Variants in VWA3B observed in about 807,000 individuals in gnomAD.
VWA3B encodes von Willebrand factor A domain-containing protein 3B.
VWA3B carries 138 observed loss-of-function variants against 158.3 expected under a neutral mutation model. That is an observed-to-expected ratio of 0.87 (90% CI 0.76 to 1.00). VWA3B has a LOEUF of 1.00. Ranked by LOEUF, VWA3B falls within the 50% of genes least tolerant of loss-of-function variation. VWA3B has a pLI of 0.00. For missense variants in VWA3B, 1,555 were observed against 1,565.1 expected, an observed-to-expected ratio of 0.99 and a Z score of 0.11; for synonymous variants, 596 against 587.3, an observed-to-expected ratio of 1.01 and a Z score of -0.21.
chr2:98,192,870 A>G, intron 10 of VWA3B, 28 bp from the exon 11 acceptor site: 3 of 1,614,106 alleles, frequency 1.9e-6, no homozygotes, highest in Non-Finnish European at 2.5e-6. Context: ...GGCTCTCACC[A>G]TTCACTTTCA....
chr2:98,111,863 A>C (rs1674159484), intron 2 of VWA3B, among the ~76,000 whole-genome samples: 1 of 152,020 alleles, frequency 6.6e-6, no homozygotes, highest in South Asian at 2.1e-4. Flanking sequence ...TTTACTTTAT[A>C]AGTTGTCTGC....
At chr2:98,139,029 T>C (rs1676511219) in intron 7 of VWA3B, among the ~76,000 whole-genome samples, 1 of 152,156 alleles carries the variant, frequency 6.6e-6, no homozygotes, top group Non-Finnish European at 1.5e-5. Flanking sequence ...GAGCCGGGGC[T>C]GCGCGTGGAG....
chr2:98,257,700 A>G (rs945075399), intron 21 of VWA3B, among the ~76,000 whole-genome samples: 3 of 151,922 alleles, frequency 2.0e-5, no homozygotes, highest in Admixed American at 2.0e-4. Flanking sequence ...TGTTTATTCA[A>G]GTTCTTTGTC....
chr2:98,188,187 G>A (rs2105392463), intron 10 of VWA3B, 58 bp downstream of exon 10: 1 of 1,557,360 alleles, frequency 6.4e-7, no homozygotes, highest in South Asian at 1.2e-5. Flanking sequence ...ATTCTCATCT[G>A]CTTGATCTTT....
In VWA3B at chr2:98,257,372, G is replaced by A. The variant is rs528821540; in HGVS notation, c.2843+1198G>A. Among the ~76,000 whole-genome samples the A allele has an allele frequency of 3.3e-5, 5 of 151,852 alleles. No homozygotes were observed. In the South Asian group the frequency reaches 6.2e-4, roughly 19 times the overall value. On this transcript the variant is annotated intron_variant, in intron 21 of 27. Coordinates refer to ENST00000477737, the MANE Select transcript of VWA3B (RefSeq NM_144992.5). ...CCACATTTTCTTTATCCATCCATCC[G>A]TTGATGGATACTTAGTTTGTTTGAT...
At chr2:98,227,193 A>G (rs1303840616) in intron 14 of VWA3B, among the ~76,000 whole-genome samples, 4 of 152,240 alleles carry the variant, frequency 2.6e-5, no homozygotes, top group Admixed American at 1.3e-4. Flanking sequence ...CAACTTTAGC[A>G]AAGTCTCAGA....
chr2:98,115,729 G>T lies in VWA3B; in HGVS notation c.274G>T (p.Asp92Tyr). 6.2e-7 allele frequency: 1 copy of T among 1,613,352 alleles called. No homozygotes were observed. Among genetic ancestry groups the T allele is most frequent in the South Asian group, 1.1e-5 (1 of 91,074 alleles). Residue 92 changes from aspartate to tyrosine, a missense_variant, in exon 3 of 28, where the codon GAT becomes TAT. Physicochemically the swap from Asp to Tyr is radical, Grantham distance 160. Coordinates refer to ENST00000477737, the MANE Select transcript of VWA3B (RefSeq NM_144992.5). The stretch of plus-strand genomic sequence containing the variant: ...GTTTCCACAGCTCTACAGAGCAGAA[G>T]ATGGCAGAGTATACAATGTAAGTCA... ...GLFPQLYRAE[D>Y]GRVYNLTAKS... is the part of the protein sequence containing the mutation.
At chr2:98,275,240 G>A (rs1688450753) in intron 22 of VWA3B, among the ~76,000 whole-genome samples, 1 of 152,202 alleles carries the variant, frequency 6.6e-6, no homozygotes, top group African/African-American at 2.4e-5. Context: ...CACAGAAGAG[G>A]CACAGTGAGA....
chr2:98,169,441 C>T (rs1000751227), intron 8 of VWA3B, among the ~76,000 whole-genome samples: 2 of 151,420 alleles, frequency 1.3e-5, no homozygotes, highest in Non-Finnish European at 2.9e-5. Context: ...ATTAAAAATA[C>T]CCAATCCAAA....
At chr2:98,326,995 G>GAA in the VWA3B span, among the ~76,000 whole-genome samples, 5 of 135,856 alleles carry the variant, frequency 3.7e-5, no homozygotes, top group African/African-American at 8.1e-5. Flanking sequence ...TGAGTCACTT[G>GAA]AAAAAAAAAA....
chr2:98,328,700 G>A, the VWA3B span, among the ~76,000 whole-genome samples: 4 of 152,204 alleles, frequency 2.6e-5, no homozygotes, highest in East Asian at 7.7e-4. Flanking sequence ...AAAATAAGTA[G>A]ATAAATCAAG....
At chr2:98,315,635 A>G (rs1361977763), downstream of VWA3B, among the ~76,000 whole-genome samples, 1 of 152,244 alleles carries the variant, frequency 6.6e-6, no homozygotes, top group African/African-American at 2.4e-5. Context: ...CTACAGCTCA[A>G]TGACACAGTC....
intron 12 of VWA3B, chr2:98,206,793 C>T (rs924555266): frequency 1.1e-5 from 4 of 371,328 alleles, no homozygotes; most frequent in Non-Finnish European, 2.1e-5. Context: ...TTGTACCCAT[C>T]ATGGAGTTAA....
intron 13 of VWA3B, among the ~76,000 whole-genome samples, chr2:98,215,009 C>T (rs772103065): frequency 2.0e-5 from 3 of 152,114 alleles, no homozygotes; most frequent in Non-Finnish European, 2.9e-5. Flanking sequence ...CAGTCCAGTA[C>T]GGACTTCTGA....
chr2:98,089,122 T>C (rs976661794), intron 1 of VWA3B, among the ~76,000 whole-genome samples: 1 of 152,078 alleles, frequency 6.6e-6, no homozygotes, highest in African/African-American at 2.4e-5. Context: ...GATATTAGCC[T>C]TATTAACACT....
chr2:98,130,015 C>A (rs1182126515), intron 6 of VWA3B, among the ~76,000 whole-genome samples: 1 of 152,032 alleles, frequency 6.6e-6, no homozygotes, highest in Non-Finnish European at 1.5e-5. Context: ...ATTCAGCATA[C>A]CAAGGATCCA....
chr2:98,242,118 C>T, intron 19 of VWA3B: 1 of 387,480 alleles, frequency 2.6e-6, no homozygotes, highest in South Asian at 2.0e-5. Flanking sequence ...CGTCCTCCTC[C>T]TGTGTTCTGT....
At chr2:98,251,846 C>T (rs1243471387) in intron 20 of VWA3B, among the ~76,000 whole-genome samples, 9 of 152,242 alleles carry the variant, frequency 5.9e-5, no homozygotes, top group African/African-American at 1.9e-4. Context: ...TGCCCTCACC[C>T]GAGAGTGGAG....
chr2:98,234,754 T>C lies in VWA3B; in HGVS notation c.2415T>C (p.Ala805=). The C allele has an allele frequency of 6.2e-7, 1 of 1,614,126 alleles. No homozygotes were observed. Among genetic ancestry groups the C allele is most frequent in the Non-Finnish European group, 8.5e-7 (1 of 1,180,012 alleles). The change falls in exon 17 of 28, where the codon GCT becomes GCC. Residue 805 remains alanine (A), a synonymous_variant. Transcript: ENST00000477737. ...GLSNASSRRT[A]LSDKEMSILL... is the part of the protein sequence containing the mutation. ...CCAATGCCAGCAGCCGGAGGACTGCTCTAAGTGACAAAGGCAAGCCAGAAA... is the reference window on the plus strand; with the variant it reads ...CCAATGCCAGCAGCCGGAGGACTGCCCTAAGTGACAAAGGCAAGCCAGAAA...
Sources: gnomAD v4.1 joint callset for allele counts (sites outside exome capture counted in the v4.1 genomes callset) on GRCh38, gnomAD v4.1.1 for gene constraint, MANE v1.5 for transcripts, NCBI Gene and HGNC (gene_info 2026-07-23, HGNC 2026-07-21) for gene names.